The following MIA2 variants were observed in gnomAD, a reference collection of about 807,000 sequenced individuals.
MIA2 encodes the protein MIA SH3 domain ER export factor 2.
Under a neutral mutation model 167.8 loss-of-function variants are expected in MIA2, and 127 were observed. That is an observed-to-expected ratio of 0.76 (90% confidence interval 0.66 to 0.88). MIA2 has a LOEUF of 0.88. Ranked by LOEUF, MIA2 falls within the 40% of genes least tolerant of loss-of-function variation. The pLI is 0.00. For missense variants in MIA2, 1,690 were observed against 1,624.7 expected (o/e 1.04, Z -0.69); for synonymous variants, 552 against 541.9 (o/e 1.02, Z -0.26).
At chr14:39,309,024 T>C (rs1301189136) in intron 18 of MIA2, among the ~76,000 whole-genome samples, 2 of 152,224 alleles carry the variant, frequency 1.3e-5, no homozygotes, top group Non-Finnish European at 2.9e-5. Flanking sequence ...GGGTGGCACC[T>C]CAAGCTGTTT....
chr14:39,322,668 A>G (rs767044272), intron 24 of MIA2, among the ~76,000 whole-genome samples: 16 of 152,072 alleles, frequency 1.1e-4, no homozygotes, highest in Non-Finnish European at 2.4e-4. Flanking sequence ...CCCTGGTGTT[A>G]CAAAAGGCCC....
At chr14:39,381,900 AC>A (rs1469611325) in intron 23 of MIA2, among the ~76,000 whole-genome samples, 1 of 152,190 alleles carries the variant, frequency 6.6e-6, no homozygotes, top group African/African-American at 2.4e-5. Flanking sequence ...TTATATGACT[AC>A]TGAGCTCTTA....
chr14:39,300,937 T>TAC (rs1566817699), intron 14 of MIA2, among the ~76,000 whole-genome samples: 1 of 22,920 alleles, frequency 4.4e-5, no homozygotes, highest in East Asian at 2.2e-3. Flanking sequence ...TACACACACA[T>TAC]ATATACATAT....
chr14:39,252,511 T>G (rs764260306), intron 4 of MIA2, among the ~76,000 whole-genome samples: 17 of 152,132 alleles, frequency 1.1e-4, no homozygotes, highest in Non-Finnish European at 2.1e-4. Flanking sequence ...ATTTCTGACT[T>G]CCAGAACTCT....
At chr14:39,337,513 A>G (rs1488723084) in intron 25 of MIA2, among the ~76,000 whole-genome samples, 1 of 152,222 alleles carries the variant, frequency 6.6e-6, no homozygotes, top group East Asian at 1.9e-4. Context: ...GGAACATTTT[A>G]CAAGACAGAT....
At chr14:39,312,960 C>T (rs1282693510) in intron 18 of MIA2, among the ~76,000 whole-genome samples, 4 of 151,916 alleles carry the variant, frequency 2.6e-5, no homozygotes, top group African/African-American at 4.8e-5. Context: ...TAAAAATTAA[C>T]GAAACACATT....
At chr14:39,300,955 T>TACATATACACATATATAC (rs2062333486) in intron 14 of MIA2, among the ~76,000 whole-genome samples, 1 of 139,808 alleles carries the variant, frequency 7.2e-6, no homozygotes, top group Non-Finnish European at 1.5e-5. Context: ...TATATACACA[T>TACATATACACATATATAC]ACATATACAC....
intron 25 of MIA2, among the ~76,000 whole-genome samples, chr14:39,339,039 T>C (rs1176417431): frequency 1.3e-5 from 2 of 152,158 alleles, no homozygotes; most frequent in Admixed American, 1.3e-4. Context: ...GGGAGGAGGA[T>C]GGTTTCGGGA....
chr14:39,329,503 G>A (rs190773757), intron 25 of MIA2, among the ~76,000 whole-genome samples: 15 of 152,256 alleles, frequency 9.9e-5, no homozygotes, highest in Middle Eastern at 3.4e-3. Context: ...ATGTTGAATA[G>A]GGGTGGTGAG....
intron 6 of MIA2, among the ~76,000 whole-genome samples, chr14:39,261,878 C>T (rs1024644201): frequency 1.1e-4 from 17 of 152,006 alleles, no homozygotes; most frequent in East Asian, 3.9e-4. Context: ...TCTTTGTAGA[C>T]TCTGGATATT....
intron 6 of MIA2, chr14:39,265,224 C>G (rs1176760238): frequency 1.7e-6 from 1 of 599,936 alleles, no homozygotes; most frequent in Non-Finnish European, 2.9e-6. Flanking sequence ...GGTTGGTAGT[C>G]ACAACTCCAC....
chr14:39,280,340 GT>G (rs945478243), intron 9 of MIA2, among the ~76,000 whole-genome samples: 14 of 147,996 alleles, frequency 9.5e-5, no homozygotes, highest in East Asian at 2.0e-4. Context: ...TCTTCTACAA[GT>G]TTTTTTTTTG....
At chr14:39,381,667 G>GTTTTTTTTTTTTT (rs398057014) in intron 23 of MIA2, among the ~76,000 whole-genome samples, 23 of 145,294 alleles carry the variant, frequency 1.6e-4, no homozygotes, top group East Asian at 4.0e-4. Flanking sequence ...TTTGCTGGCT[G>GTTTTTTTTTTTTT]TTTTTTTTTT....
intron 3 of MIA2, among the ~76,000 whole-genome samples, chr14:39,243,861 A>G (rs7148519): frequency 0.031 from 4,695 of 152,292 alleles, 261 homozygotes; most frequent in African/African-American, 0.11. Context: ...ACGAGACTCC[A>G]TCTCAAAAAA....
At chr14:39,272,772 A>C (rs1438347087) in intron 6 of MIA2, among the ~76,000 whole-genome samples, 1 of 152,216 alleles carries the variant, frequency 6.6e-6, no homozygotes, top group Non-Finnish European at 1.5e-5. Context: ...CAAACAAAGA[A>C]GTCTTCCAGC....
chr14:39,356,100 A>G (rs983798940), downstream of MIA2, among the ~76,000 whole-genome samples: 26 of 152,094 alleles, frequency 1.7e-4, no homozygotes, highest in African/African-American at 5.1e-4. Context: ...CTCTTTTTCT[A>G]TTGATTGGAA....
intron 9 of MIA2, among the ~76,000 whole-genome samples, chr14:39,282,527 T>C (rs542294659): frequency 2.0e-5 from 3 of 152,282 alleles, no homozygotes; most frequent in Admixed American, 2.0e-4. Context: ...TTATTAACTA[T>C]GGATCTCATG....
chr14:39,352,635 A>G (rs1218772372), downstream of MIA2, among the ~76,000 whole-genome samples: 1 of 152,116 alleles, frequency 6.6e-6, no homozygotes, highest in Non-Finnish European at 1.5e-5. Context: ...AAAATGGCTT[A>G]GTATTTGCCT....
Position 39,279,459 on chromosome 14 carries a change from A to G in MIA2, c.2052A>G (p.Lys684=), listed in dbSNP as rs780461402. 15 of 1,605,992 alleles carry G rather than the reference A, an allele frequency of 9.3e-6. No individual in the cohort carries two copies. Among genetic ancestry groups the G allele is most frequent in the South Asian group, 9.1e-5 (8 of 88,292 alleles). Reference sequence around the variant, plus strand: ...ACTTGACTTTTTTAGGACGAGAGAAAAAGCTTGCTCTAATGCTTTCTGGAC... The same window carrying G: ...ACTTGACTTTTTTAGGACGAGAGAAGAAGCTTGCTCTAATGCTTTCTGGAC... ...VRSRLYVGRE[K]KLALMLSGLI... Residue 684 remains lysine (K), a synonymous_variant, in exon 9 of 29, where the codon AAA becomes AAG. Transcript: ENST00000640607.
Sources: gnomAD v4.1 joint callset for allele counts (sites outside exome capture counted in the v4.1 genomes callset) on GRCh38, gnomAD v4.1.1 for gene constraint, MANE v1.5 for transcripts, NCBI Gene and HGNC (gene_info 2026-07-23, HGNC 2026-07-21) for gene names.